DVL1: variants seen among roughly 807,000 people sequenced by gnomAD.
DVL1 encodes the protein dishevelled segment polarity protein 1.
A neutral mutation model predicts 65.0 loss-of-function variants in DVL1; 49 were observed. The observed-to-expected ratio is 0.75, with a 90% CI of 0.60 to 0.96. DVL1 has a LOEUF of 0.96. Ranked by LOEUF, DVL1 falls within the 40% of genes least tolerant of loss-of-function variation. The probability of loss-of-function intolerance (pLI) is 0.00; values close to 1 mark genes in which losing one functional copy is unlikely to be tolerated. For synonymous variants in DVL1, 608 were observed against 433.9 expected (o/e 1.40, Z -4.99); for missense variants, 1,197 against 1,045.4 (o/e 1.15, Z -2.00).
intron 7 of DVL1, 23 bp downstream of exon 7, chr1:1,340,218 TGCCCCC>T: frequency 6.2e-7 from 1 of 1,612,096 alleles, no homozygotes; most frequent in Non-Finnish European, 8.5e-7. Flanking sequence ...CCCCTGCCCC[TGCCCCC>T]AACCCTCGCC....
At chr1:1,340,691 G>A (rs187315902) in intron 5 of DVL1, among the ~76,000 whole-genome samples, 188 bp from the exon 6 acceptor site, 3 of 150,506 alleles carry the variant, frequency 2.0e-5, no homozygotes, top group African/African-American at 2.4e-5. Flanking sequence ...GAAAATCCCA[G>A]AGACAGGCAA....
In DVL1 at chr1:1,338,576, G is replaced by C. The variant is rs770238250; in HGVS notation, c.1285C>G (p.Leu429Val). 4 of 1,612,476 alleles carry C rather than the reference G, an allele frequency of 2.5e-6. No individual in the cohort carries two copies. The highest frequency in any genetic ancestry group is 1.7e-5 in the Admixed American group (1 of 60,016). The change falls in exon 12 of 15, where the codon CTG becomes GTG. Residue 429 changes from leucine to valine, a missense_variant. Physicochemically the swap from Leu to Val is conservative, Grantham distance 32. Coordinates refer to ENST00000378888, the MANE Select transcript of DVL1 (RefSeq NM_001330311.2). ...VRVMQLPDSG[L>V]EIRDRMWLKI... ...AGCCACATGCGGTCGCGGATCTCCA[G>C]TCCCGAGTCTGGCAGCTGCATGACC...
chr1:1,344,590 G>A lies in DVL1; in HGVS notation c.171-1832C>T, dbSNP rs565398494. Among the ~76,000 whole-genome samples, 577 of 152,216 alleles carry A rather than the reference G, an allele frequency of 3.8e-3. 5 individuals carry two copies. The highest frequency in any genetic ancestry group is 8.8e-3 in the Admixed American group (134 of 15,298). On this transcript the variant is annotated intron_variant, in intron 1 of 14. Transcript: ENST00000378888. ...GCCTCCCCAGGCCACCCAGGGCCAG[G>A]CCATGAGGTAGACGCCCCCAAAGAG... is the stretch of plus-strand genomic sequence containing the variant.
In DVL1 at chr1:1,342,479, G is replaced by C. The variant is rs764477859; in HGVS notation, c.246C>G (p.Val82=). 5 of 1,610,206 alleles carry C rather than the reference G, an allele frequency of 3.1e-6. No homozygotes were observed. In the African/African-American group the frequency reaches 6.7e-5, roughly 21 times the overall value. Residue 82 remains valine (V), a synonymous_variant, in exon 3 of 15, where the codon GTC becomes GTG. Coordinates refer to ENST00000378888, the MANE Select transcript of DVL1 (RefSeq NM_001330311.2). ...CFNGRVVSWL[V]LAEGAHSDAG... is the part of the protein sequence containing the mutation. ...CATCCGAGTGAGCACCCTCAGCCAG[G>C]ACCAGCTGTGGAGGGAGCAGGCATG... is the stretch of plus-strand genomic sequence containing the variant.
chr1:1,341,060 C>T (rs1643797586), intron 5 of DVL1, among the ~76,000 whole-genome samples: 1 of 151,318 alleles, frequency 6.6e-6, no homozygotes, highest in African/African-American at 2.4e-5. Context: ...CACACACATG[C>T]ACACCTGCAC....
chr1:1,336,873 A>C, intron 14 of DVL1: 2 of 549,860 alleles, frequency 3.6e-6, no homozygotes, highest in Non-Finnish European at 4.8e-6. Context: ...TCCCCACCCA[A>C]GGCCCCACTG....
At chr1:1,347,058 C>T (rs1375276179) in intron 1 of DVL1, among the ~76,000 whole-genome samples, 1 of 152,122 alleles carries the variant, frequency 6.6e-6, no homozygotes, top group Non-Finnish European at 1.5e-5. Context: ...CTCCTGAGGC[C>T]ACCAGCCAGA....
chr1:1,337,701 C>T (rs1557663271), intron 14 of DVL1: 13 of 650,448 alleles, frequency 2.0e-5, no homozygotes, highest in Middle Eastern at 2.4e-4. Flanking sequence ...CCAGGCTGCC[C>T]CTGTGTGAGA....
chr1:1,338,529 G>T lies in DVL1; in HGVS notation c.1332C>A (p.Ala444=). ...RMWLKITIAN[A]VIGADVVDWL... ...GCGGGGACGGCCACTCACCGATGAC[G>T]GCATTGGCGATGGTGATCTTGAGCC... Residue 444 remains alanine, a synonymous_variant, in exon 12 of 15, where the codon GCC becomes GCA. Coordinates refer to ENST00000378888, the MANE Select transcript of DVL1 (RefSeq NM_001330311.2). 3.1e-6 allele frequency: 5 copies of T among 1,612,526 alleles called. No individual in the cohort carries two copies.
chr1:1,346,459 G>A (rs112495999), intron 1 of DVL1, among the ~76,000 whole-genome samples: 5,218 of 152,230 alleles, frequency 0.034, 189 homozygotes, highest in African/African-American at 0.086. Flanking sequence ...AAGGCTGGGC[G>A]AGACCCCCTG....
At chr1:1,339,150 C>T (rs1319440056) in intron 11 of DVL1, 137 bp downstream of exon 11, 1 of 1,205,734 alleles carries the variant, frequency 8.3e-7, no homozygotes, top group African/African-American at 1.5e-5. Context: ...GTGCACACGT[C>T]TGTGCAGGGA....
intron 1 of DVL1, among the ~76,000 whole-genome samples, chr1:1,343,338 A>T (rs1447830949): frequency 6.8e-6 from 1 of 147,872 alleles, no homozygotes; most frequent in East Asian, 2.0e-4. Context: ...AGCTGCACCT[A>T]CCGGGCCCCA....
chr1:1,342,465 G>A lies in DVL1; in HGVS notation c.260C>T (p.Ala87Val). Residue 87 changes from alanine to valine, a missense_variant, in exon 3 of 15, where the codon GCT (alanine) becomes GTT (valine). By Grantham distance (64) the Ala-to-Val change is moderately conservative (BLOSUM62 0). Coordinates refer to ENST00000378888, the MANE Select transcript of DVL1 (RefSeq NM_001330311.2). ...GCCCTGGGACCCCGCATCCGAGTGA[G>A]CACCCTCAGCCAGGACCAGCTGTGG... ...VVSWLVLAEG[A>V]HSDAGSQGTD... 6.2e-7 allele frequency: 1 copy of A among 1,609,916 alleles called. No individual in the cohort carries two copies. The highest frequency in any genetic ancestry group is 1.3e-5 in the African/African-American group (1 of 75,010).
chr1:1,339,839 C>T (rs1445178498), intron 8 of DVL1, 27 bp from the exon 9 acceptor site: 2 of 1,603,080 alleles, frequency 1.2e-6, no homozygotes, highest in East Asian at 2.2e-5. Flanking sequence ...TAGGGTGGTG[C>T]AGGCAGGATG....
chr1:1,338,674 C>G (rs375064839), intron 11 of DVL1, 21 bp from the exon 12 acceptor site: 1 of 1,601,958 alleles, frequency 6.2e-7, no homozygotes, highest in African/African-American at 1.3e-5. Flanking sequence ...CAGACAGCCC[C>G]GCTTCAGCCC....
At chr1:1,337,161 G>T in intron 14 of DVL1, 1 of 918,640 alleles carries the variant, frequency 1.1e-6, no homozygotes, top group Non-Finnish European at 1.3e-6. Flanking sequence ...GGCTGGGCGG[G>T]GCTGAAGTGG....
Position 1,336,247 on chromosome 1 carries a change from G to T in DVL1, c.1983C>A (p.Pro661=). ...GGACGGCAGCCAGCTCCCGGACAGG[G>T]GGTCCCCCGGGTGGCCCCCCCACCA... The part of the protein sequence containing the change: ...YTVVGGPPGG[P]PVRELAAVPP... The change falls in exon 15 of 15, where the codon CCC becomes CCA. Residue 661 remains proline, a synonymous_variant. Transcript: ENST00000378888. 6.4e-7 allele frequency: 1 copy of T among 1,558,292 alleles called. No homozygotes were observed.
chr1:1,338,765 G>A, intron 11 of DVL1, 112 bp from the exon 12 acceptor site: 4 of 1,446,164 alleles, frequency 2.8e-6, no homozygotes, highest in Non-Finnish European at 2.7e-6. Flanking sequence ...GCGCAAGCTG[G>A]ACGGTGCGTG....
At chr1:1,340,619 G>C in intron 5 of DVL1, 116 bp from the exon 6 acceptor site, 2 of 1,146,140 alleles carry the variant, frequency 1.7e-6, no homozygotes, top group Non-Finnish European at 2.5e-6. Context: ...TTCCAAAGCA[G>C]GCTCAGTGCC....
Sources: allele counts gnomAD v4.1 joint callset (sites outside exome capture counted in the v4.1 genomes callset), GRCh38; gene constraint gnomAD v4.1.1; transcripts MANE v1.5; gene names NCBI Gene and HGNC (gene_info 2026-07-23, HGNC 2026-07-21).